The following ENPP2 variants were observed in gnomAD, a reference collection of about 807,000 sequenced individuals.
ENPP2 encodes the protein ectonucleotide pyrophosphatase/phosphodiesterase 2.
ENPP2 carries 51 observed loss-of-function variants against 120.2 expected under a neutral mutation model. The ratio of observed to expected loss-of-function variants is 0.42; its 90% confidence interval spans 0.34 to 0.54. The LOEUF (loss-of-function observed/expected upper bound fraction) is 0.54. Among genes scored for constraint, ENPP2 ranks in the 20% least tolerant of loss-of-function variants. ENPP2 has a pLI of 0.04. For synonymous variants in ENPP2, 365 were observed against 366.4 expected (o/e 1.00, Z 0.04); for missense variants, 920 against 1,066.5 (o/e 0.86, Z 1.91).
rs200364301 is a variant in ENPP2 at position 119,619,297 on chromosome 8, C to A, written c.426G>T (p.Ser142=). The A allele has an allele frequency of 1.1e-5, 17 of 1,609,034 alleles. No individual in the cohort carries two copies. Among genetic ancestry groups the A allele is most frequent in the Non-Finnish European group, 1.4e-5 (17 of 1,175,732 alleles). ...CCTCACAGTCATCATCAACCCAATG[C>A]GACTCTCCTATAAGGAAAAATGGGT... The part of the protein sequence containing the change: ...TNYQVVCKGE[S]HWVDDDCEEI... Residue 142 remains serine (S), a synonymous_variant, in exon 5 of 25, where the codon TCG becomes TCT. Transcript: ENST00000075322.
intron 1 of ENPP2, among the ~76,000 whole-genome samples, chr8:119,666,500 G>C (rs567005999): frequency 6.6e-6 from 1 of 152,242 alleles, no homozygotes; most frequent in East Asian, 1.9e-4. Flanking sequence ...AAGAAAAAAG[G>C]CTGGGCGTGA....
At chr8:119,671,686 A>G (rs1818254758) in intron 1 of ENPP2, among the ~76,000 whole-genome samples, 1 of 152,226 alleles carries the variant, frequency 6.6e-6, no homozygotes, top group Admixed American at 6.5e-5. Context: ...AAGGTGCTCT[A>G]TGGAACATCA....
rs753500207 is a variant in ENPP2, at chr8:119,582,495, G to A, written c.1651C>T (p.Pro551Ser). ...AGGTACATAATCCCTGGATAATTGG[G>A]TCTGGTAACTTCCTCTGGCATGGTT... ...RPTMPEEVTRPNYPGIMYLQS... is the reference protein window; with the variant it reads ...RPTMPEEVTRSNYPGIMYLQS... The change falls in exon 18 of 25, where the codon CCC becomes TCC. Residue 551 changes from proline to serine, a missense_variant. By Grantham distance (74) the Pro-to-Ser change is moderately conservative (BLOSUM62 -1). Coordinates refer to ENST00000075322, the MANE Select transcript of ENPP2 (RefSeq NM_001040092.3). 12 of 1,613,890 alleles carry A rather than the reference G, an allele frequency of 7.4e-6. No individual in the cohort carries two copies. The highest frequency in any genetic ancestry group is 3.3e-5 in the Admixed American group (2 of 59,996).
At chr8:119,638,906 C>A, upstream of ENPP2, 1 of 1,165,514 alleles carries the variant, frequency 8.6e-7, no homozygotes, top group East Asian at 2.4e-5. Context: ...ACAGACTCCT[C>A]TGATTTGTCC....
At chr8:119,611,585 G>GC (rs1157414818) in intron 8 of ENPP2, among the ~76,000 whole-genome samples, 1 of 152,172 alleles carries the variant, frequency 6.6e-6, no homozygotes, top group Non-Finnish European at 1.5e-5. Flanking sequence ...GGCCAAATAT[G>GC]CCCCCGAAGG....
At chr8:119,615,857 C>T (rs968258725) in intron 8 of ENPP2, among the ~76,000 whole-genome samples, 1 of 152,034 alleles carries the variant, frequency 6.6e-6, no homozygotes, top group East Asian at 1.9e-4. Flanking sequence ...TGAAATTCAC[C>T]TCATCACCAT....
At chr8:119,620,950 C>A (rs1815851120) in intron 4 of ENPP2, among the ~76,000 whole-genome samples, 1 of 152,128 alleles carries the variant, frequency 6.6e-6, no homozygotes, top group East Asian at 1.9e-4. Flanking sequence ...CTTTTCAGAG[C>A]AAGCAATAGA....
At chr8:119,600,305 T>C (rs1376285151) in intron 11 of ENPP2, among the ~76,000 whole-genome samples, 1 of 152,184 alleles carries the variant, frequency 6.6e-6, no homozygotes, top group East Asian at 1.9e-4. Context: ...TCATTTACAA[T>C]GTTTTGCATT....
intron 1 of ENPP2, among the ~76,000 whole-genome samples, chr8:119,672,925 G>C (rs1464641036): frequency 6.6e-6 from 1 of 152,246 alleles, no homozygotes; most frequent in Non-Finnish European, 1.5e-5. Flanking sequence ...GTGCCCTGCG[G>C]CTGGTAAGGC....
intron 2 of ENPP2, among the ~76,000 whole-genome samples, chr8:119,631,798 T>C (rs999797147): frequency 6.6e-6 from 1 of 152,160 alleles, no homozygotes; most frequent in Admixed American, 6.6e-5. Flanking sequence ...TCATTTTTTA[T>C]GGATGAATAA....
At chr8:119,651,824 C>T in intron 1 of ENPP2, among the ~76,000 whole-genome samples, 1 of 152,126 alleles carries the variant, frequency 6.6e-6, no homozygotes, top group Non-Finnish European at 1.5e-5. Flanking sequence ...CATTATCAGA[C>T]AATTGCCTAA....
intron 8 of ENPP2, among the ~76,000 whole-genome samples, chr8:119,615,524 T>G (rs748172746): frequency 2.3e-4 from 35 of 152,202 alleles, no homozygotes; most frequent in Non-Finnish European, 1.0e-4. Context: ...CAACCCTTTT[T>G]ATTTTCTGCC....
chr8:119,623,321 C>T (rs1414129274), intron 3 of ENPP2, among the ~76,000 whole-genome samples: 2 of 151,824 alleles, frequency 1.3e-5, no homozygotes, highest in African/African-American at 2.4e-5. Flanking sequence ...AAAAATTAGC[C>T]GGGCATGGTG....
chr8:119,670,652 G>T (rs1818213609), intron 1 of ENPP2, among the ~76,000 whole-genome samples: 1 of 152,212 alleles, frequency 6.6e-6, no homozygotes, highest in Non-Finnish European at 1.5e-5. Context: ...AGGATGATCT[G>T]CATCGTTTCC....
chr8:119,615,979 A>T (rs1815428500), intron 8 of ENPP2, among the ~76,000 whole-genome samples: 1 of 152,110 alleles, frequency 6.6e-6, no homozygotes, highest in South Asian at 2.1e-4. Flanking sequence ...ATATGTATAC[A>T]TACATGTATA....
chr8:119,558,282 G>A (rs1368802977), intron 24 of ENPP2, among the ~76,000 whole-genome samples: 1 of 152,172 alleles, frequency 6.6e-6, no homozygotes, highest in Non-Finnish European at 1.5e-5. Context: ...GCCAGAGTTG[G>A]AAATGAGGCT....
chr8:119,583,768 T>C lies in ENPP2; in HGVS notation c.1492A>G (p.Lys498Glu), dbSNP rs767379905. The stretch of plus-strand genomic sequence containing the variant: ...TTTTCAAATGGAGGCACTTTAGTCT[T>C]GTACTTAAATGTTGAGCCATAACCT... ...FVGYGSTFKY[K>E]TKVPPFENIE... Residue 498 changes from lysine (K) to glutamate (E), a missense_variant, in exon 17 of 25, where the codon AAG becomes GAG. Transcript: ENST00000075322. The C allele has an allele frequency of 3.7e-6, 6 of 1,602,936 alleles. No individual in the cohort carries two copies. The highest frequency in any genetic ancestry group is 3.4e-5 in the Admixed American group (2 of 59,668).
intron 19 of ENPP2, among the ~76,000 whole-genome samples, chr8:119,579,860 G>A (rs1812605501): frequency 6.6e-6 from 1 of 152,006 alleles, no homozygotes; most frequent in South Asian, 2.1e-4. Context: ...GATACAAAAT[G>A]GATTGTGTAC....
chr8:119,560,837 C>T (rs1813868441), intron 24 of ENPP2, among the ~76,000 whole-genome samples: 2 of 152,020 alleles, frequency 1.3e-5, no homozygotes, highest in African/African-American at 2.4e-5. Context: ...ACATACTTTC[C>T]CCTTAGTAGC....
Sources: gnomAD v4.1 joint callset for allele counts (sites outside exome capture counted in the v4.1 genomes callset) on GRCh38, gnomAD v4.1.1 for gene constraint, MANE v1.5 for transcripts, NCBI Gene and HGNC (gene_info 2026-07-23, HGNC 2026-07-21) for gene names.